Variants in CC2D1A observed in about 807,000 individuals in gnomAD.
CC2D1A encodes coiled-coil and C2 domain-containing protein 1A.
A neutral mutation model predicts 123.8 loss-of-function variants in CC2D1A; 68 were observed. The observed-to-expected ratio is 0.55, with a 90% CI of 0.45 to 0.67. CC2D1A has a LOEUF of 0.67. Among genes scored for constraint, CC2D1A ranks in the 30% least tolerant of loss-of-function variants. CC2D1A has a pLI of 0.00. For synonymous variants in CC2D1A, 477 were observed against 528.0 expected (o/e 0.90, Z 1.32); for missense variants, 1,185 against 1,290.3 (o/e 0.92, Z 1.25).
intron 19 of CC2D1A, 45 bp downstream of exon 19, chr19:13,926,770 CA>C: frequency 1.2e-6 from 2 of 1,613,904 alleles, no homozygotes; most frequent in South Asian, 2.2e-5. Context: ...CTCAGTGGGC[CA>C]AAGCCAGGTC....
Position 13,913,434 on chromosome 19 carries a change from A to C in CC2D1A, c.544A>C (p.Lys182Gln). 1 of 1,614,186 alleles carries C rather than the reference A, an allele frequency of 6.2e-7. No homozygotes were observed. The highest frequency in any genetic ancestry group is 8.5e-7 in the Non-Finnish European group (1 of 1,180,030). ...TLENLLASIR[K>Q]GNAIDEADIP... ...GGAAAACCTGCTCGCCTCCATCCGT[A>C]AGGGCAATGCCATTGACGAAGCGGA... The change falls in exon 6 of 29, where the codon AAG becomes CAG. Residue 182 changes from lysine (K) to glutamine (Q), a missense_variant. Lys to Gln is a moderately conservative substitution (Grantham distance 53). Coordinates refer to ENST00000318003, the MANE Select transcript of CC2D1A (RefSeq NM_017721.5).
chr19:13,921,486 A>G (rs1219657576), intron 14 of CC2D1A, among the ~76,000 whole-genome samples: 1 of 152,128 alleles, frequency 6.6e-6, no homozygotes, highest in Non-Finnish European at 1.5e-5. Flanking sequence ...TTTTTCTCAG[A>G]GAAGTGGGGA....
chr19:13,914,791 G>A (rs555360756), intron 6 of CC2D1A, among the ~76,000 whole-genome samples: 4 of 152,024 alleles, frequency 2.6e-5, no homozygotes, highest in South Asian at 4.1e-4. Flanking sequence ...ATATGCCACC[G>A]TGCCCCATGC....
rs1365372411 is a variant in CC2D1A at position 13,925,987 on chromosome 19, TAC to T, written c.1941-528_1941-527del. Among the ~76,000 whole-genome samples the T allele has an allele frequency of 7.4e-4, 89 of 120,842 alleles. 1 individual carries two copies. Among genetic ancestry groups the T allele is most frequent in the African/African-American group, 3.4e-3 (86 of 24,980 alleles). The allele number at this position is 120,842 out of a possible 152,430, so 79.3% of individuals were successfully genotyped here. A position where few individuals can be genotyped will look rare whatever the true frequency, so the allele number is the denominator to read the frequency against. ...ACGTATATATATGTGTATATATATA[TAC>T]ATATATGTGTGTATATATATATATA... is the stretch of plus-strand genomic sequence containing the variant. On this transcript the variant is annotated intron_variant, in intron 17 of 28. Transcript: ENST00000318003.
At chr19:13,907,709 T>C (rs561361810) in intron 1 of CC2D1A, among the ~76,000 whole-genome samples, 2 of 151,920 alleles carry the variant, frequency 1.3e-5, no homozygotes, top group East Asian at 3.9e-4. Flanking sequence ...AATAAATAAA[T>C]AAATAAAAAA....
At chr19:13,907,614 G>A (rs1015330176) in intron 1 of CC2D1A, among the ~76,000 whole-genome samples, 1 of 152,052 alleles carries the variant, frequency 6.6e-6, no homozygotes, top group Admixed American at 6.6e-5. Flanking sequence ...GGAGGTTGCA[G>A]TGAGCTGAGA....
Position 13,930,529 on chromosome 19 carries a change from C to T in CC2D1A, c.*134C>T, listed in dbSNP as rs1344004099. On this transcript the variant is annotated 3_prime_UTR_variant, in exon 29 of 29. Transcript: ENST00000318003. The surrounding 1 kb of genome is among the most constrained non-coding windows in gnomAD (Gnocchi z 6.8). ...TCTGGACTCACCCCTCATCCGGGCC[C>T]CCAGCCCCGCCAGAGCCTCCGTGGC... is the stretch of plus-strand genomic sequence containing the variant. 2.9e-6 allele frequency: 3 copies of T among 1,022,692 alleles called. No homozygotes were observed. The East Asian group carries it at 7.9e-5, about 27-fold the overall frequency. 63.4% of individuals were successfully genotyped at this position (1,022,692 alleles called of 1,614,324 possible).
chr19:13,930,173 G>T lies in CC2D1A; in HGVS notation c.2787+19G>T. On this transcript the variant is annotated intron_variant, in intron 27 of 28. Coordinates refer to ENST00000318003, the MANE Select transcript of CC2D1A (RefSeq NM_017721.5). The surrounding 1 kb of genome is among the most constrained non-coding windows in gnomAD (Gnocchi z 6.8). ...CAGCAGGGTGAGCTGGTCGCGGGCC[G>T]GGTGGGCACTGGGCAGCGGGCAGGG... is the stretch of plus-strand genomic sequence containing the variant. The T allele has an allele frequency of 6.2e-7, 1 of 1,613,258 alleles. No individual in the cohort carries two copies. The highest frequency in any genetic ancestry group is 1.7e-5 in the Admixed American group (1 of 60,000).
At position 13,913,498 on chromosome 19, in the gene CC2D1A, C is replaced by G. The variant is rs535774165; in HGVS notation, c.608C>G (p.Ser203Cys). 1.2e-6 allele frequency: 2 copies of G among 1,614,192 alleles called. No individual in the cohort carries two copies. The highest frequency in any genetic ancestry group is 4.5e-5 in the East Asian group (2 of 44,880). ...PPVAIGKGPA[S>C]TPTYSPAPTQ... Reference sequence around the variant, plus strand: ...GTGGCCATAGGAAAAGGCCCGGCGTCCACGCCTACCTACAGCCCTGCACCC... The same window carrying G: ...GTGGCCATAGGAAAAGGCCCGGCGTGCACGCCTACCTACAGCCCTGCACCC... Residue 203 changes from serine (S) to cysteine (C), a missense_variant, in exon 6 of 29, where the codon TCC becomes TGC. Transcript: ENST00000318003.
Position 13,923,830 on chromosome 19 carries a change from G to A in CC2D1A, c.1940+19G>A, listed in dbSNP as rs376741305. 37 of 1,579,914 alleles carry A rather than the reference G, an allele frequency of 2.3e-5. No individual in the cohort carries two copies. Among genetic ancestry groups the A allele is most frequent in the African/African-American group, 1.1e-4 (8 of 74,218 alleles). On this transcript the variant is annotated intron_variant, in intron 17 of 28. Transcript: ENST00000318003. This position sits in a 1 kb window ranked among gnomAD's most constrained non-coding sequence, Gnocchi z 5.3. ...TCATCAAGTAAGGCTCCTGATCTAC[G>A]CCCCACCACGTGGCCCCAGTGGCCC...
intron 17 of CC2D1A, among the ~76,000 whole-genome samples, chr19:13,924,517 G>A (rs374772145): frequency 3.3e-5 from 5 of 150,774 alleles, no homozygotes; most frequent in East Asian, 3.9e-4. Flanking sequence ...TCACCCAGGC[G>A]GGAGTACAGT....
chr19:13,909,762 A>G, intron 1 of CC2D1A, 61 bp from the exon 2 acceptor site: 2 of 1,609,652 alleles, frequency 1.2e-6, no homozygotes, highest in Non-Finnish European at 1.7e-6. Flanking sequence ...TCTGGCCATC[A>G]TGGCTGCCTC....
chr19:13,919,719 A>G (rs953722167), intron 11 of CC2D1A, 99 bp from the exon 12 acceptor site: 285 of 1,296,078 alleles, frequency 2.2e-4, no homozygotes, highest in Non-Finnish European at 2.7e-4. Flanking sequence ...TAAAGGCCCA[A>G]GACTCTATAG....
chr19:13,923,468 C>A lies in CC2D1A; in HGVS notation c.1764+13C>A, dbSNP rs746213463. ...GCAGCAGCACGAGGTGAGGGGGAGG[C>A]CCCCAGCCCATCCCCCAGGAGCGTG... On this transcript the variant is annotated intron_variant, in intron 15 of 28. Transcript: ENST00000318003. This position sits in a 1 kb window ranked among gnomAD's most constrained non-coding sequence, Gnocchi z 5.3. 2 of 1,613,974 alleles carry A rather than the reference C, an allele frequency of 1.2e-6. No homozygotes were observed. The highest frequency in any genetic ancestry group is 1.7e-6 in the Non-Finnish European group (2 of 1,179,942).
At chr19:13,920,335 A>T in intron 12 of CC2D1A, 1 of 559,828 alleles carries the variant, frequency 1.8e-6, no homozygotes, top group Non-Finnish European at 3.1e-6. Context: ...AGATCGTGCT[A>T]CTGCACTCCA....
Position 13,918,545 on chromosome 19 carries a change from CG to C in CC2D1A, c.916del (p.Val306TrpfsTer128). On this transcript the variant is annotated frameshift_variant, in exon 8 of 29. Transcript: ENST00000318003. LOFTEE classifies it high-confidence loss of function. Reference protein sequence around the residue: ...VLEALSRGEPVDLSCLPPPPD... With the variant: ...VLEALSRGEPXDLSCLPPPPD... ...TGGAGGCCCTGAGCCGGGGTGAGCCCGTGGACCTCTCCTGCCTGCCCCCTCC... is the reference window on the plus strand; with the variant it reads ...TGGAGGCCCTGAGCCGGGGTGAGCCCTGGACCTCTCCTGCCTGCCCCCTCC... 1 of 1,613,826 alleles carries C rather than the reference CG, an allele frequency of 6.2e-7. No individual in the cohort carries two copies.
At chr19:13,907,579 G>A (rs1970813537) in intron 1 of CC2D1A, among the ~76,000 whole-genome samples, 1 of 152,012 alleles carries the variant, frequency 6.6e-6, no homozygotes. Flanking sequence ...AGGCTGAGGT[G>A]GGAGAATCGC....
Position 13,929,654 on chromosome 19 carries a change from C to A in CC2D1A, c.2704C>A (p.Arg902=). The A allele has an allele frequency of 6.7e-7, 1 of 1,498,332 alleles. No homozygotes were observed. Among genetic ancestry groups the A allele is most frequent in the Non-Finnish European group, 8.9e-7 (1 of 1,124,714 alleles). 92.8% of individuals were successfully genotyped at this position (1,498,332 alleles called of 1,614,324 possible). A position where few individuals can be genotyped will look rare whatever the true frequency, so the allele number is the denominator to read the frequency against. The part of the protein sequence containing the change: ...AQLEQGGVGI[R]REYAAQLERQ... Reference sequence around the variant, plus strand: ...GCTGGAGCAGGGGGGTGTGGGCATCCGACGGGGTAGGGGTTTGGAGATGGG... The same window carrying A: ...GCTGGAGCAGGGGGGTGTGGGCATCAGACGGGGTAGGGGTTTGGAGATGGG... Residue 902 remains arginine (R), a synonymous_variant, in exon 26 of 29, where the codon CGA becomes AGA. Transcript: ENST00000318003.
Position 13,930,390 on chromosome 19 carries a change from A to C in CC2D1A, c.2851A>C (p.Arg951=). 1 of 1,611,364 alleles carries C rather than the reference A, an allele frequency of 6.2e-7. No individual in the cohort carries two copies. The highest frequency in any genetic ancestry group is 1.7e-4 in the Middle Eastern group (1 of 5,924). ...TCTCCCCCAGCTGCAGCGGCTCCGC[A>C]GGTGAGGAGCCCATGGGGCGGGCAG... ...LVESELQRLR[R] is the part of the protein sequence containing the mutation. Residue 951 remains arginine (R), a synonymous_variant, in exon 29 of 29, where the codon AGG becomes CGG. Transcript: ENST00000318003. This position sits in a 1 kb window ranked among gnomAD's most constrained non-coding sequence, Gnocchi z 6.8.
Sources: allele counts gnomAD v4.1 joint callset (sites outside exome capture counted in the v4.1 genomes callset), GRCh38; gene constraint gnomAD v4.1.1; non-coding constraint Gnocchi (gnomAD v3.1); transcripts MANE v1.5; gene names NCBI Gene and HGNC (gene_info 2026-07-23, HGNC 2026-07-21).